The following PPP1R42 variants were observed in gnomAD, a reference collection of about 807,000 sequenced individuals.
PPP1R42 encodes protein phosphatase 1 regulatory subunit 42.
Under a neutral mutation model 31.0 loss-of-function variants are expected in PPP1R42, and 34 were observed. The observed-to-expected ratio is 1.10, with a 90% CI of 0.83 to 1.46. The LOEUF (loss-of-function observed/expected upper bound fraction) is 1.46. Among genes scored for constraint, PPP1R42 ranks in the 40% most tolerant of loss-of-function variants. The pLI is 0.00. For missense variants in PPP1R42, 268 were observed against 303.0 expected, an observed-to-expected ratio of 0.88 and a Z score of 0.86; for synonymous variants, 103 against 109.8, an observed-to-expected ratio of 0.94 and a Z score of 0.39.
At chr8:67,014,371 G>GT in intron 3 of PPP1R42, 55 bp downstream of exon 3, 10 of 1,079,450 alleles carry the variant, frequency 9.3e-6, no homozygotes, top group Non-Finnish European at 3.8e-6. Context: ...GCAAAAAAAT[G>GT]TAAGTACCAT....
intron 7 of PPP1R42, among the ~76,000 whole-genome samples, chr8:66,976,634 C>A (rs1433286906): frequency 7.0e-6 from 1 of 142,904 alleles, no homozygotes; most frequent in Admixed American, 7.1e-5. Context: ...TTTTAGCTTT[C>A]ACAGATGAGT....
At chr8:66,986,230 G>A in intron 6 of PPP1R42, 1 of 538,456 alleles carries the variant, frequency 1.9e-6, no homozygotes, top group Non-Finnish European at 3.5e-6. Flanking sequence ...GTGAGCCACC[G>A]CGCCCTGCCT....
chr8:67,014,568 G>C lies in PPP1R42; in HGVS notation c.154C>G (p.Leu52Val), dbSNP rs759250385. Residue 52 changes from leucine to valine, a missense_variant, in exon 3 of 8, where the codon CTT becomes GTT. Transcript: ENST00000685739. ...TTATCATATAAATATAAAACACTAAGATTTTTGCAAAGAGAGAGGTCTTCC... is the reference window on the plus strand; with the variant it reads ...TTATCATATAAATATAAAACACTAACATTTTTGCAAAGAGAGAGGTCTTCC... ...AIEDLSLCKN[L>V]SVLYLYDNCI... The C allele has an allele frequency of 1.3e-6, 2 of 1,530,308 alleles. No homozygotes were observed. The highest frequency in any genetic ancestry group is 1.8e-6 in the Non-Finnish European group (2 of 1,128,528). 94.8% of individuals were successfully genotyped at this position (1,530,308 alleles called of 1,614,324 possible).
At chr8:67,017,513 T>A in intron 2 of PPP1R42, 106 bp downstream of exon 2, 1 of 594,286 alleles carries the variant, frequency 1.7e-6, no homozygotes, top group Non-Finnish European at 2.5e-6. Flanking sequence ...AAAAAGTTAA[T>A]AAGAATAATG....
intron 5 of PPP1R42, among the ~76,000 whole-genome samples, chr8:66,988,738 G>A (rs929852993): frequency 6.6e-6 from 1 of 152,080 alleles, no homozygotes; most frequent in Non-Finnish European, 1.5e-5. Flanking sequence ...CTAAGTTGAG[G>A]GCCACACAAC....
chr8:67,014,523 T>C lies in PPP1R42; in HGVS notation c.199A>G (p.Asn67Asp), dbSNP rs1483080612. 6.4e-7 allele frequency: 1 copy of C among 1,569,948 alleles called. No homozygotes were observed. The highest frequency in any genetic ancestry group is 1.7e-5 in the Admixed American group (1 of 57,916). Reference sequence around the variant, plus strand: ...GTCAGATTTGTGGCATAATTCAGGTTAGTGATTTGACTAATACAATTATCA... The same window carrying C: ...GTCAGATTTGTGGCATAATTCAGGTCAGTGATTTGACTAATACAATTATCA... ...LYDNCISQIT[N>D]LNYATNLTHL... The change falls in exon 3 of 8, where the codon AAC becomes GAC. Residue 67 changes from asparagine to aspartate, a missense_variant. Transcript: ENST00000685739.
At chr8:67,002,354 T>C (rs1203548139) in intron 5 of PPP1R42, among the ~76,000 whole-genome samples, 1 of 152,122 alleles carries the variant, frequency 6.6e-6, no homozygotes, top group African/African-American at 2.4e-5. Flanking sequence ...CATGAGCCAC[T>C]ACACCTGGCT....
At chr8:66,986,229 C>T (rs189988384) in intron 6 of PPP1R42, 11 of 536,098 alleles carry the variant, frequency 2.1e-5, no homozygotes, top group Admixed American at 7.3e-5. Flanking sequence ...CGTGAGCCAC[C>T]GCGCCCTGCC....
Position 66,967,540 on chromosome 8 carries a change from T to C in PPP1R42, c.803-3206A>G, listed in dbSNP as rs563982457. On this transcript the variant is annotated intron_variant, in intron 7 of 7. Transcript: ENST00000685739. ...TTTTAAAAATTCTTCCCTAAGCACATAGATCTGTTGTTACAACTGTTCAAA... is the reference window on the plus strand; with the variant it reads ...TTTTAAAAATTCTTCCCTAAGCACACAGATCTGTTGTTACAACTGTTCAAA... 3.9e-5 allele frequency among the ~76,000 whole-genome samples: 6 copies of C among 152,338 alleles called. No homozygotes were observed. In the South Asian group the frequency reaches 1.2e-3, roughly 32 times the overall value.
chr8:66,973,502 C>T (rs958159596), intron 7 of PPP1R42, among the ~76,000 whole-genome samples: 9 of 152,098 alleles, frequency 5.9e-5, no homozygotes, highest in East Asian at 1.9e-4. Context: ...GACAGGGTTT[C>T]GCCATATTGG....
chr8:67,002,008 T>G (rs1209433791), intron 5 of PPP1R42, among the ~76,000 whole-genome samples: 2 of 152,194 alleles, frequency 1.3e-5, no homozygotes, highest in Non-Finnish European at 2.9e-5. Context: ...TTTGCCTTCA[T>G]TTTTTTGAAG....
rs574802481 is a variant in PPP1R42 at position 66,964,712 on chromosome 8, A to G, written c.803-378T>C. On this transcript the variant is annotated intron_variant, in intron 7 of 7. Transcript: ENST00000685739. ...TATTGTTTTTATATATAAATGTTTT[A>G]TATGTATATAAAACAGTAGATTAAT... Among the ~76,000 whole-genome samples, 4 of 152,272 alleles carry G rather than the reference A, an allele frequency of 2.6e-5. No homozygotes were observed. In the South Asian group the frequency reaches 8.3e-4, roughly 32 times the overall value.
chr8:66,978,413 G>A (rs1346036055), intron 7 of PPP1R42, among the ~76,000 whole-genome samples: 1 of 152,146 alleles, frequency 6.6e-6, no homozygotes, highest in East Asian at 1.9e-4. Flanking sequence ...TGGGGACACA[G>A]CCAAACCATA....
chr8:66,974,118 G>A (rs1814608371), intron 7 of PPP1R42, among the ~76,000 whole-genome samples: 1 of 152,130 alleles, frequency 6.6e-6, no homozygotes, highest in African/African-American at 2.4e-5. Context: ...TGGGATTGTT[G>A]GGTCATATGG....
intron 7 of PPP1R42, among the ~76,000 whole-genome samples, chr8:66,967,539 A>T (rs1003462918): frequency 6.6e-6 from 1 of 152,220 alleles, no homozygotes; most frequent in African/African-American, 2.4e-5. Context: ...CCCTAAGCAC[A>T]TAGATCTGTT....
intron 7 of PPP1R42, among the ~76,000 whole-genome samples, chr8:66,977,140 T>A (rs1355894047): frequency 6.6e-6 from 1 of 151,816 alleles, no homozygotes; most frequent in African/African-American, 2.4e-5. Flanking sequence ...TTTAAGAAAT[T>A]CTCTGCCTCA....
chr8:67,025,375 G>A (rs1054076835), intron 1 of PPP1R42, among the ~76,000 whole-genome samples: 1 of 151,482 alleles, frequency 6.6e-6, no homozygotes, highest in African/African-American at 2.4e-5. Flanking sequence ...GCTTTTCAAA[G>A]TGCTGGGATT....
At chr8:67,005,083 T>A (rs576969186) in intron 5 of PPP1R42, among the ~76,000 whole-genome samples, 140 of 151,850 alleles carry the variant, frequency 9.2e-4, no homozygotes, top group African/African-American at 3.1e-3. Flanking sequence ...CAGTGTTTAG[T>A]CTTTCATGAA....
chr8:66,986,478 C>G (rs372816155), intron 6 of PPP1R42, among the ~76,000 whole-genome samples: 1 of 152,208 alleles, frequency 6.6e-6, no homozygotes, highest in South Asian at 2.1e-4. Context: ...CCTGTTGTCC[C>G]TATCGCCACG....
Sources: gnomAD v4.1 joint callset for allele counts (sites outside exome capture counted in the v4.1 genomes callset) on GRCh38, gnomAD v4.1.1 for gene constraint, MANE v1.5 for transcripts, NCBI Gene and HGNC (gene_info 2026-07-23, HGNC 2026-07-21) for gene names.